TTC6: variants seen among roughly 807,000 people sequenced by gnomAD.
The protein encoded by TTC6 is tetratricopeptide repeat domain 6, also known as tetratricopeptide repeat protein 6.
A neutral mutation model predicts 210.4 loss-of-function variants in TTC6; 172 were observed. The ratio of observed to expected loss-of-function variants is 0.82; its 90% CI spans 0.72 to 0.93. The LOEUF (loss-of-function observed/expected upper bound fraction) is 0.93, where lower values mean the gene tolerates loss of function less well. TTC6 is among the 40% of genes least tolerant of loss of function. The pLI, the probability that TTC6 is intolerant of heterozygous loss-of-function variation, is 0.00. For synonymous variants in TTC6, 804 were observed against 819.6 expected (o/e 0.98, Z 0.32); for missense variants, 2,414 against 2,318.1 (o/e 1.04, Z -0.85).
At chr14:37,720,002 A>G (rs1330648266) in intron 6 of TTC6, among the ~76,000 whole-genome samples, 1 of 152,196 alleles carries the variant, frequency 6.6e-6, no homozygotes, top group East Asian at 1.9e-4. Flanking sequence ...AACTCAATAT[A>G]AAAATATCTA....
At chr14:37,609,289 T>G (rs1195180074) in intron 2 of TTC6, among the ~76,000 whole-genome samples, 1 of 151,958 alleles carries the variant, frequency 6.6e-6, no homozygotes, top group Non-Finnish European at 1.5e-5. Flanking sequence ...GCTGGTACAC[T>G]CCTGTAGTTC....
intron 14 of TTC6, among the ~76,000 whole-genome samples, chr14:37,759,050 A>G (rs954717830): frequency 1.3e-5 from 2 of 152,064 alleles, no homozygotes; most frequent in African/African-American, 4.8e-5. Flanking sequence ...AGGTGGGCAG[A>G]TCATGAGATC....
chr14:37,657,486 G>A (rs1264349493), intron 1 of TTC6, among the ~76,000 whole-genome samples: 1 of 151,990 alleles, frequency 6.6e-6, no homozygotes, highest in East Asian at 1.9e-4. Context: ...AAACGAGGAC[G>A]CCGAGCCAAG....
At chr14:37,749,385 T>A (rs1332077021) in exon 11 of TTC6, 1 of 1,447,658 alleles carries the variant, frequency 6.9e-7, no homozygotes, top group East Asian at 2.5e-5. Flanking sequence ...CAGAGTGCCA[T>A]GAATGATCTG....
chr14:37,836,794 G>A (rs761336866), intron 29 of TTC6, among the ~76,000 whole-genome samples: 1 of 152,082 alleles, frequency 6.6e-6, no homozygotes, highest in Non-Finnish European at 1.5e-5. Flanking sequence ...CTATAATGGA[G>A]GTAAGACTTA....
chr14:37,819,339 C>T (rs2096150130), intron 26 of TTC6, among the ~76,000 whole-genome samples: 1 of 152,066 alleles, frequency 6.6e-6, no homozygotes, highest in South Asian at 2.1e-4. Flanking sequence ...GGGATTCATT[C>T]CTGATGTGTC....
At chr14:37,739,003 C>T (rs752383040) in exon 10 of TTC6, 9 of 1,535,584 alleles carry the variant, frequency 5.9e-6, no homozygotes, top group Non-Finnish European at 7.8e-6. Flanking sequence ...TGAGAAATCT[C>T]TCTTTGACTC....
At chr14:37,812,833 A>G (rs2096132787) in intron 25 of TTC6, among the ~76,000 whole-genome samples, 2 of 152,204 alleles carry the variant, frequency 1.3e-5, no homozygotes, top group African/African-American at 4.8e-5. Flanking sequence ...CAGGGCAGGA[A>G]ATAGTTACTC....
At chr14:37,669,049 T>C (rs1219711062) in intron 1 of TTC6, among the ~76,000 whole-genome samples, 1 of 152,228 alleles carries the variant, frequency 6.6e-6, no homozygotes, top group East Asian at 1.9e-4. Flanking sequence ...AATAGCTTGA[T>C]AACTTGAATA....
At chr14:37,655,514 G>A (rs1396102048) in intron 1 of TTC6, among the ~76,000 whole-genome samples, 1 of 151,758 alleles carries the variant, frequency 6.6e-6, no homozygotes, top group Admixed American at 6.6e-5. Context: ...AACTTCCTTT[G>A]TGTTAGTTTG....
intron 15 of TTC6, 45 bp from the exon 18 acceptor site, chr14:37,790,672 T>C (rs1366811276): frequency 2.7e-6 from 4 of 1,470,740 alleles, no homozygotes; most frequent in Non-Finnish European, 3.7e-6. Context: ...TTACCTATGG[T>C]TATTTTAGAA....
intron 1 of TTC6, among the ~76,000 whole-genome samples, chr14:37,630,114 T>G (rs182920975): frequency 0.011 from 1,617 of 152,288 alleles, 19 homozygotes; most frequent in Non-Finnish European, 0.017. Flanking sequence ...TTTCTTGTCT[T>G]CTGCTAGCTT....
intron 17 of TTC6, among the ~76,000 whole-genome samples, chr14:37,795,043 AATT>A (rs2096089343): frequency 5.3e-5 from 8 of 152,196 alleles, no homozygotes; most frequent in African/African-American, 1.7e-4. Context: ...AGATATGTAT[AATT>A]ATTATTTAAA....
chr14:37,823,805 T>C, exon 27 of TTC6: 1 of 1,614,084 alleles, frequency 6.2e-7, no homozygotes, highest in East Asian at 2.2e-5. Flanking sequence ...AATTAACCCA[T>C]GTTTTCTGGA....
intron 24 of TTC6, among the ~76,000 whole-genome samples, chr14:37,811,095 A>G (rs1306809021): frequency 6.6e-6 from 1 of 152,154 alleles, no homozygotes; most frequent in African/African-American, 2.4e-5. Flanking sequence ...CCTCTTAATC[A>G]AAACCTGTGT....
chr14:37,613,849 T>C (rs1313439278), intron 2 of TTC6, among the ~76,000 whole-genome samples: 1 of 152,098 alleles, frequency 6.6e-6, no homozygotes, highest in Non-Finnish European at 1.5e-5. Flanking sequence ...TTTCGTTCTC[T>C]TAAACAGGCT....
chr14:37,712,453 A>C lies in TTC6; in HGVS notation c.1572-2202A>C, dbSNP rs1301666982. Among the ~76,000 whole-genome samples the C allele has an allele frequency of 2.0e-5, 3 of 152,186 alleles. No individual in the cohort carries two copies. In the East Asian group the frequency reaches 5.8e-4, roughly 29 times the overall value. ...CTTTTGTTTTCCTGGATACACTGGA[A>C]TTCAGCTTCGGAAAACAGAAACATC... On this transcript the variant is annotated intron_variant, in intron 5 of 30. Transcript: ENST00000553443.
chr14:37,734,336 G>T (rs2138906956), intron 7 of TTC6, among the ~76,000 whole-genome samples: 1 of 152,272 alleles, frequency 6.6e-6, no homozygotes, highest in African/African-American at 2.4e-5. Flanking sequence ...ATCTCAGATA[G>T]ATTCTGGGCT....
intron 1 of TTC6, among the ~76,000 whole-genome samples, chr14:37,657,500 G>A (rs1179812598): frequency 6.6e-6 from 1 of 152,102 alleles, no homozygotes. Flanking sequence ...AGCCAAGAAA[G>A]GGCCTGGTGT....
Sources: gnomAD v4.1 joint callset for allele counts (sites outside exome capture counted in the v4.1 genomes callset) on GRCh38, gnomAD v4.1.1 for gene constraint, MANE v1.5 for transcripts, NCBI Gene and HGNC (gene_info 2026-07-23, HGNC 2026-07-21) for gene names.